The following AGFG1 variants were observed in gnomAD, a reference collection of about 807,000 sequenced individuals.
AGFG1 encodes ArfGAP with FG repeats 1.
AGFG1 carries 10 observed loss-of-function variants against 60.6 expected under a neutral mutation model. That is an observed-to-expected ratio of 0.16 (90% CI 0.10 to 0.28). The LOEUF (loss-of-function observed/expected upper bound fraction) is 0.28, where lower values mean the gene tolerates loss of function less well. Ranked by LOEUF, AGFG1 falls within the 10% of genes least tolerant of loss-of-function variation. The pLI, the probability that AGFG1 is intolerant of heterozygous loss-of-function variation, is 1.00. For missense variants in AGFG1, 537 were observed against 676.5 expected (o/e 0.79, Z 2.29); for synonymous variants, 247 against 242.9 (o/e 1.02, Z -0.16).
rs1692905947 is a variant in AGFG1, at chr2:227,554,317, A to G, written c.1630-119A>G. 3.3e-5 allele frequency: 27 copies of G among 815,750 alleles called. No homozygotes were observed. The South Asian group carries it at 4.5e-4, about 13-fold the overall frequency. 50.5% of individuals were successfully genotyped at this position (815,750 alleles called of 1,614,324 possible). A position where few individuals can be genotyped will look rare whatever the true frequency, so the allele number is the denominator to read the frequency against. Reference sequence around the variant, plus strand: ...TAACAAATATTATTGCCAATAATTTAAAAAATAATTCTTAACCAAAAAGTC... The same window carrying G: ...TAACAAATATTATTGCCAATAATTTGAAAAATAATTCTTAACCAAAAAGTC... On this transcript the variant is annotated intron_variant, in intron 12 of 12. Coordinates refer to ENST00000310078, the MANE Select transcript of AGFG1 (RefSeq NM_004504.5).
At position 227,560,075 on chromosome 2, in the gene AGFG1, GCT is replaced by G. The variant is rs374884706; in HGVS notation, c.*5589_*5590del. ...AATGTTATCGTTTATTTTATATATG[GCT>G]CTCTCTCTGTATGCCTCTTCCTGTT... On this transcript the variant is annotated 3_prime_UTR_variant, in exon 13 of 13. Transcript: ENST00000310078. 49 of 151,850 alleles carry G rather than the reference GCT, an allele frequency of 3.2e-4. No homozygotes were observed. In the East Asian group the frequency reaches 9.3e-3, roughly 29 times the overall value. The allele number at this position is 151,850 out of a possible 1,614,324, so 9.4% of individuals were successfully genotyped here.
chr2:227,479,348 T>G (rs1485813610), intron 1 of AGFG1, among the ~76,000 whole-genome samples: 1 of 152,238 alleles, frequency 6.6e-6, no homozygotes, highest in Non-Finnish European at 1.5e-5. Context: ...TTTTAAACAC[T>G]GGCTTTTAGT....
chr2:227,547,981 A>C (rs1559200670), intron 10 of AGFG1, among the ~76,000 whole-genome samples: 1 of 152,264 alleles, frequency 6.6e-6, no homozygotes, highest in Non-Finnish European at 1.5e-5. Flanking sequence ...TCGAATAGTC[A>C]TACAATGACA....
intron 3 of AGFG1, among the ~76,000 whole-genome samples, chr2:227,522,224 A>G (rs13008854): frequency 0.072 from 10,974 of 152,314 alleles, 529 homozygotes; most frequent in Admixed American, 0.11. Context: ...ATTTAAGTTC[A>G]GGAAAGAAGA....
chr2:227,554,237 T>C (rs1468085734), intron 12 of AGFG1, among the ~76,000 whole-genome samples, 199 bp from the exon 13 acceptor site: 1 of 152,214 alleles, frequency 6.6e-6, no homozygotes, highest in Non-Finnish European at 1.5e-5. Flanking sequence ...GTACTGGATA[T>C]GAAAGACGTA....
intron 1 of AGFG1, among the ~76,000 whole-genome samples, chr2:227,490,035 T>C (rs1399347572): frequency 2.0e-5 from 3 of 152,038 alleles, no homozygotes; most frequent in Non-Finnish European, 2.9e-5. Context: ...AGGCTGGTCT[T>C]GAACTCCTGA....
At chr2:227,487,629 A>G (rs1018360797) in intron 1 of AGFG1, among the ~76,000 whole-genome samples, 1 of 151,966 alleles carries the variant, frequency 6.6e-6, no homozygotes, top group Admixed American at 6.6e-5. Context: ...TTGATTCCCA[A>G]AAGTGGCATA....
At position 227,555,048 on chromosome 2, in the gene AGFG1, A is replaced by T. The variant is rs12866; in HGVS notation, c.*553A>T. The T allele has an allele frequency of 0.052, 7,870 of 152,670 alleles. 263 individuals are homozygous for T. The highest frequency in any genetic ancestry group is 0.1 in the African/African-American group (4,176 of 41,534). 9.5% of individuals were successfully genotyped at this position (152,670 alleles called of 1,614,324 possible). ...CTAAATTCTTTTAAAATGTAGAGGGATACCTGTCTGCATAATAAAGCTGAT... is the reference window on the plus strand; with the variant it reads ...CTAAATTCTTTTAAAATGTAGAGGGTTACCTGTCTGCATAATAAAGCTGAT... On this transcript the variant is annotated 3_prime_UTR_variant, in exon 13 of 13. Coordinates refer to ENST00000310078, the MANE Select transcript of AGFG1 (RefSeq NM_004504.5).
intron 5 of AGFG1, among the ~76,000 whole-genome samples, chr2:227,529,431 G>A (rs1692097070): frequency 6.6e-6 from 1 of 152,142 alleles, no homozygotes; most frequent in South Asian, 2.1e-4. Flanking sequence ...ACATATGCCA[G>A]TCTGGTTCAT....
chr2:227,553,873 T>C, intron 12 of AGFG1, 78 bp downstream of exon 12: 1 of 1,076,022 alleles, frequency 9.3e-7, no homozygotes, highest in Non-Finnish European at 1.4e-6. Flanking sequence ...GATGTTAATA[T>C]TCCTAGATGG....
At chr2:227,483,140 TA>T (rs1262968274) in intron 1 of AGFG1, among the ~76,000 whole-genome samples, 2 of 152,148 alleles carry the variant, frequency 1.3e-5, no homozygotes, top group Admixed American at 6.5e-5. Flanking sequence ...AAGTGTTTTA[TA>T]AACCCTGAAT....
At chr2:227,494,314 A>G (rs1404097522) in intron 2 of AGFG1, among the ~76,000 whole-genome samples, 3 of 152,190 alleles carry the variant, frequency 2.0e-5, no homozygotes, top group African/African-American at 7.2e-5. Context: ...TGCATAGGGA[A>G]TAGTACCAGA....
chr2:227,541,966 T>C (rs934406092), intron 10 of AGFG1, among the ~76,000 whole-genome samples: 35 of 152,228 alleles, frequency 2.3e-4, no homozygotes, highest in Middle Eastern at 6.3e-3. Context: ...CAATTGTGAA[T>C]GGGAGTTCAC....
intron 1 of AGFG1, among the ~76,000 whole-genome samples, chr2:227,485,853 G>A (rs977183496): frequency 2.4e-4 from 37 of 151,238 alleles, no homozygotes; most frequent in Admixed American, 1.1e-3. Context: ...ACTATATTTC[G>A]TAACTGGTAA....
In AGFG1 at chr2:227,554,576, C is replaced by A; in HGVS notation, c.*81C>A. 1 of 1,197,956 alleles carries A rather than the reference C, an allele frequency of 8.3e-7. No individual in the cohort carries two copies. Among genetic ancestry groups the A allele is most frequent in the South Asian group, 1.4e-5 (1 of 73,194 alleles). 74.2% of individuals were successfully genotyped at this position (1,197,956 alleles called of 1,614,324 possible). Reference sequence around the variant, plus strand: ...CACCTCTTGCACTGTTGTCTTGTTTCACTGATCTTAGCTTTAAACACAAGA... The same window carrying A: ...CACCTCTTGCACTGTTGTCTTGTTTAACTGATCTTAGCTTTAAACACAAGA... On this transcript the variant is annotated 3_prime_UTR_variant, in exon 13 of 13. Transcript: ENST00000310078.
At chr2:227,513,613 A>G (rs925766600) in intron 2 of AGFG1, among the ~76,000 whole-genome samples, 2 of 152,144 alleles carry the variant, frequency 1.3e-5, no homozygotes, top group Non-Finnish European at 2.9e-5. Flanking sequence ...CTCACTTGTG[A>G]TTTCCTTACA....
intron 11 of AGFG1, 69 bp downstream of exon 11, chr2:227,552,186 C>A (rs1056580474): frequency 1.3e-6 from 2 of 1,561,542 alleles, no homozygotes; most frequent in Non-Finnish European, 1.7e-6. Flanking sequence ...ATGTTGTGTG[C>A]TTGGGCAGGA....
chr2:227,540,442 G>A (rs1367222410), intron 10 of AGFG1, among the ~76,000 whole-genome samples: 2 of 152,024 alleles, frequency 1.3e-5, no homozygotes, highest in Admixed American at 6.6e-5. Context: ...TAGAACATGT[G>A]GTGTTTGGTT....
chr2:227,483,665 T>C (rs1030144784), intron 1 of AGFG1, among the ~76,000 whole-genome samples: 4 of 152,226 alleles, frequency 2.6e-5, no homozygotes, highest in Non-Finnish European at 4.4e-5. Context: ...AGTTTGTTCC[T>C]CCTTGTTGCT....
Sources: gnomAD v4.1 joint callset for allele counts (sites outside exome capture counted in the v4.1 genomes callset) on GRCh38, gnomAD v4.1.1 for gene constraint, MANE v1.5 for transcripts, NCBI Gene and HGNC (gene_info 2026-07-23, HGNC 2026-07-21) for gene names.